MGAT5: variants seen among roughly 807,000 people sequenced by gnomAD.
MGAT5 encodes alpha-1,6-mannosylglycoprotein 6-beta-N-acetylglucosaminyltransferase A.
Under a neutral mutation model 94.3 loss-of-function variants are expected in MGAT5, and 30 were observed. The observed-to-expected ratio is 0.32, with a 90% CI of 0.24 to 0.43. The LOEUF (loss-of-function observed/expected upper bound fraction) is 0.43, where lower values mean the gene tolerates loss of function less well. MGAT5 is among the 20% of genes least tolerant of loss of function. The probability of loss-of-function intolerance (pLI) is 1.00; values close to 1 mark genes in which losing one functional copy is unlikely to be tolerated. For synonymous variants in MGAT5, 310 were observed against 322.9 expected (o/e 0.96, Z 0.43); for missense variants, 691 against 905.5 (o/e 0.76, Z 3.04).
intron 1 of MGAT5, among the ~76,000 whole-genome samples, chr2:134,259,303 T>C (rs1180453500): frequency 6.6e-6 from 1 of 152,220 alleles, no homozygotes; most frequent in Non-Finnish European, 1.5e-5. Context: ...AATTGTGTCA[T>C]GGATGGTGCC....
chr2:134,407,258 T>C (rs1683393378), intron 11 of MGAT5, among the ~76,000 whole-genome samples: 1 of 152,182 alleles, frequency 6.6e-6, no homozygotes, highest in African/African-American at 2.4e-5. Context: ...CCTTCTTCTG[T>C]TTCTATTACA....
At position 134,412,853 on chromosome 2, in the gene MGAT5, G is replaced by T. The variant is rs1389123935; in HGVS notation, c.1531-16G>T. On this transcript the variant is annotated splice_polypyrimidine_tract_variant and intron_variant, in intron 11 of 15. Transcript: ENST00000281923. ...GCCTGATGTGTTCATACGCTGTGTG[G>T]TTTTCTGTCTTACAGTTGTTTGTTG... 6.2e-7 allele frequency: 1 copy of T among 1,613,882 alleles called. No individual in the cohort carries two copies. Among genetic ancestry groups the T allele is most frequent in the East Asian group, 2.2e-5 (1 of 44,850 alleles).
chr2:134,409,996 C>T (rs1456724052), intron 11 of MGAT5, among the ~76,000 whole-genome samples: 1 of 152,214 alleles, frequency 6.6e-6, no homozygotes, highest in African/African-American at 2.4e-5. Flanking sequence ...GGAATATCCT[C>T]ATTAGATTCT....
At chr2:134,163,449 T>C (rs1687826643) in intron 1 of MGAT5, among the ~76,000 whole-genome samples, 1 of 152,126 alleles carries the variant, frequency 6.6e-6, no homozygotes, top group Non-Finnish European at 1.5e-5. Context: ...AGAAAGCTGG[T>C]GTAAGCTACT....
At chr2:134,438,843 C>T (rs1685317050) in intron 14 of MGAT5, among the ~76,000 whole-genome samples, 1 of 152,164 alleles carries the variant, frequency 6.6e-6, no homozygotes, top group South Asian at 2.1e-4. Flanking sequence ...TAAGCTGCAT[C>T]CTAATATCCC....
At chr2:134,186,305 C>T (rs1012309321) in intron 1 of MGAT5, among the ~76,000 whole-genome samples, 5 of 151,680 alleles carry the variant, frequency 3.3e-5, no homozygotes, top group Admixed American at 6.6e-5. Flanking sequence ...CCCAATCTAA[C>T]GGGCAGAGAG....
intron 10 of MGAT5, among the ~76,000 whole-genome samples, chr2:134,362,995 C>G (rs1478103226): frequency 6.6e-6 from 1 of 152,250 alleles, no homozygotes; most frequent in Non-Finnish European, 1.5e-5. Flanking sequence ...CCCCTTGGCC[C>G]TCCTGAGTTG....
intron 1 of MGAT5, among the ~76,000 whole-genome samples, chr2:134,174,625 C>T (rs16830156): frequency 0.16 from 24,444 of 152,210 alleles, 2,231 homozygotes; most frequent in South Asian, 0.22. Context: ...GCATCAAAGA[C>T]GAATAATTTG....
chr2:134,181,977 T>C (rs938433984), intron 1 of MGAT5, among the ~76,000 whole-genome samples: 7 of 152,240 alleles, frequency 4.6e-5, no homozygotes. Context: ...TTTCTTCACT[T>C]CCCTCATTGT....
At chr2:134,190,695 G>A (rs1190584809) in intron 1 of MGAT5, among the ~76,000 whole-genome samples, 1 of 151,912 alleles carries the variant, frequency 6.6e-6, no homozygotes, top group Non-Finnish European at 1.5e-5. Context: ...CCAGGCTGGA[G>A]TGCCGTGGCA....
intron 1 of MGAT5, among the ~76,000 whole-genome samples, chr2:134,145,328 C>T (rs1381415300): frequency 1.3e-5 from 2 of 151,998 alleles, no homozygotes; most frequent in African/African-American, 2.4e-5. Flanking sequence ...AGGCAGATCA[C>T]GAAGTCAGGA....
At chr2:134,407,111 G>C (rs1405811473) in intron 11 of MGAT5, among the ~76,000 whole-genome samples, 1 of 152,138 alleles carries the variant, frequency 6.6e-6, no homozygotes, top group Non-Finnish European at 1.5e-5. Context: ...CGTATACCCT[G>C]CGCCTAGATC....
chr2:134,219,471 C>T (rs954033017), intron 1 of MGAT5, among the ~76,000 whole-genome samples: 2 of 152,114 alleles, frequency 1.3e-5, no homozygotes, highest in African/African-American at 4.8e-5. Context: ...CTTTAACGAA[C>T]AGACAGTTCA....
chr2:134,350,270 C>G (rs1679298735), intron 9 of MGAT5, among the ~76,000 whole-genome samples: 1 of 152,130 alleles, frequency 6.6e-6, no homozygotes. Context: ...CACATGGATG[C>G]TATTTAGGGT....
chr2:134,255,494 T>C (rs898155302), intron 1 of MGAT5, among the ~76,000 whole-genome samples: 1 of 148,920 alleles, frequency 6.7e-6, no homozygotes, highest in East Asian at 1.9e-4. Context: ...TACATATATA[T>C]ACACATATAT....
intron 10 of MGAT5, among the ~76,000 whole-genome samples, chr2:134,370,665 G>C (rs576372220): frequency 6.6e-6 from 1 of 152,368 alleles, no homozygotes; most frequent in Non-Finnish European, 1.5e-5. Flanking sequence ...GGTTACCTGT[G>C]CCTGTTTTGT....
At chr2:134,417,637 G>A (rs886237859) in intron 12 of MGAT5, among the ~76,000 whole-genome samples, 1 of 151,938 alleles carries the variant, frequency 6.6e-6, no homozygotes, top group Admixed American at 6.6e-5. Flanking sequence ...TCACATTAGG[G>A]GGCATATGAT....
chr2:134,169,712 G>A (rs1688118942), intron 1 of MGAT5, among the ~76,000 whole-genome samples: 1 of 152,052 alleles, frequency 6.6e-6, no homozygotes, highest in African/African-American at 2.4e-5. Context: ...TTCTATTAAT[G>A]TTATGTACTT....
intron 1 of MGAT5, among the ~76,000 whole-genome samples, chr2:134,204,001 TG>T (rs1679918041): frequency 6.6e-6 from 1 of 152,232 alleles, no homozygotes; most frequent in Non-Finnish European, 1.5e-5. Context: ...TTATCATACA[TG>T]GGCAAAGAGA....
Sources: gnomAD v4.1 joint callset for allele counts (sites outside exome capture counted in the v4.1 genomes callset) on GRCh38, gnomAD v4.1.1 for gene constraint, MANE v1.5 for transcripts, NCBI Gene and HGNC (gene_info 2026-07-23, HGNC 2026-07-21) for gene names.